Variants in PCDHGA7 observed in about 807,000 individuals in gnomAD.
PCDHGA7 encodes protocadherin gamma subfamily A, 7.
PCDHGA7 carries 44 observed loss-of-function variants against 58.3 expected under a neutral mutation model. The ratio of observed to expected loss-of-function variants is 0.75; its 90% CI spans 0.59 to 0.97. PCDHGA7 has a LOEUF of 0.97. Ranked by LOEUF, PCDHGA7 falls within the 50% of genes least tolerant of loss-of-function variation. PCDHGA7 has a pLI of 0.00. For synonymous variants in PCDHGA7, 516 were observed against 504.2 expected (o/e 1.02, Z -0.31); for missense variants, 1,266 against 1,188.7 (o/e 1.06, Z -0.96).
chr5:141,481,868 C>A (rs983373194), intron 1 of PCDHGA7, among the ~76,000 whole-genome samples: 4 of 147,412 alleles, frequency 2.7e-5, no homozygotes, highest in African/African-American at 1.0e-4. Flanking sequence ...GAGCCGAGAT[C>A]GCGCCACTGC....
At chr5:141,503,099 C>T (rs1286557930) in intron 2 of PCDHGA7, among the ~76,000 whole-genome samples, 1 of 151,884 alleles carries the variant, frequency 6.6e-6, no homozygotes, top group Non-Finnish European at 1.5e-5. Context: ...GTGGTCTGCC[C>T]GCCCCTGCCT....
At chr5:141,419,146 G>A in intron 1 of PCDHGA7, 1 of 1,613,922 alleles carries the variant, frequency 6.2e-7, no homozygotes, top group Non-Finnish European at 8.5e-7. Context: ...ACAGGGGCAA[G>A]CCTCCGTTAT....
At chr5:141,434,830 C>A (rs7703679) in intron 1 of PCDHGA7, among the ~76,000 whole-genome samples, 45,467 of 151,546 alleles carry the variant, frequency 0.3, 8,050 homozygotes, top group African/African-American at 0.5. Flanking sequence ...GTACACTTGG[C>A]ATTTATAAAG....
chr5:141,494,251 G>C (rs961451413), intron 1 of PCDHGA7, among the ~76,000 whole-genome samples: 2 of 152,214 alleles, frequency 1.3e-5, no homozygotes, highest in African/African-American at 4.8e-5. Context: ...TTAGCTGTGG[G>C]AAGAGATTCT....
intron 1 of PCDHGA7, chr5:141,419,364 C>T (rs1360235541): frequency 1.1e-5 from 18 of 1,613,690 alleles, no homozygotes; most frequent in Non-Finnish European, 1.3e-5. Flanking sequence ...CGAACGCTGT[C>T]GTCCTACGTG....
chr5:141,450,179 A>G (rs1472867634), intron 1 of PCDHGA7, among the ~76,000 whole-genome samples: 1 of 151,100 alleles, frequency 6.6e-6, no homozygotes, highest in African/African-American at 2.4e-5. Flanking sequence ...CACCACACCC[A>G]GCTAATTTTT....
chr5:141,384,889 G>GTGGC lies in PCDHGA7; in HGVS notation c.1993_1996dup (p.Asp666GlyfsTer2). ...AGCCACCGTCACACTCACCGTGGCT[G>GTGGC]TGGCTGACAGCATCCCCGAAGTCTT... On this transcript the variant is annotated frameshift_variant, in exon 1 of 4. Coordinates refer to ENST00000518325, the MANE Select transcript of PCDHGA7 (RefSeq NM_018920.4). LOFTEE classifies it high-confidence loss of function. The GTGGC allele has an allele frequency of 6.2e-7, 1 of 1,613,882 alleles. No individual in the cohort carries two copies. The highest frequency in any genetic ancestry group is 8.5e-7 in the Non-Finnish European group (1 of 1,180,000).
intron 2 of PCDHGA7, among the ~76,000 whole-genome samples, chr5:141,497,541 T>A (rs1157403777): frequency 1.1e-5 from 1 of 89,566 alleles, no homozygotes; most frequent in Admixed American, 1.2e-4. Context: ...GCAACAAACC[T>A]TTTTTTTTTT....
intron 1 of PCDHGA7, chr5:141,387,659 G>A: frequency 1.5e-6 from 1 of 650,434 alleles, no homozygotes; most frequent in Non-Finnish European, 2.6e-6. Context: ...GGAGAGCTTG[G>A]CGCTCCAGAT....
chr5:141,388,778 A>G, intron 1 of PCDHGA7: 1 of 1,613,944 alleles, frequency 6.2e-7, no homozygotes, highest in Non-Finnish European at 8.5e-7. Flanking sequence ...ACACCGGGGA[A>G]ATTACTGTTT....
At chr5:141,395,138 C>A (rs147992300) in intron 1 of PCDHGA7, 1 of 1,614,204 alleles carries the variant, frequency 6.2e-7, no homozygotes, top group African/African-American at 1.3e-5. Flanking sequence ...AGCCCAACTA[C>A]GCAGACATGC....
intron 1 of PCDHGA7, among the ~76,000 whole-genome samples, chr5:141,469,315 G>A (rs1160946697): frequency 6.6e-6 from 1 of 151,866 alleles, no homozygotes; most frequent in African/African-American, 2.4e-5. Flanking sequence ...GATGGCTCAC[G>A]CCTGTAATCC....
chr5:141,458,990 C>T (rs2098958778), intron 1 of PCDHGA7, among the ~76,000 whole-genome samples: 1 of 152,212 alleles, frequency 6.6e-6, no homozygotes, highest in Non-Finnish European at 1.5e-5. Context: ...GCCTCACCCT[C>T]CCAAAGTGCT....
intron 1 of PCDHGA7, chr5:141,404,489 G>C: frequency 6.2e-7 from 1 of 1,613,796 alleles, no homozygotes; most frequent in Non-Finnish European, 8.5e-7. Flanking sequence ...AGACACTGGT[G>C]TGCTGTATGC....
intron 1 of PCDHGA7, chr5:141,405,556 C>T: frequency 1.6e-6 from 1 of 619,826 alleles, no homozygotes; most frequent in East Asian, 2.7e-5. Context: ...AGTAGAGTAG[C>T]TGGGACTAGA....
At position 141,404,344 on chromosome 5, in the gene PCDHGA7, C is replaced by T. The variant is rs755599341; in HGVS notation, c.2424+19021C>T. 1.1e-5 allele frequency: 18 copies of T among 1,613,954 alleles called. No homozygotes were observed. In the East Asian group the frequency reaches 3.8e-4, roughly 34 times the overall value. ...CCTACTCAGTCTACCTCCCGGAAAA[C>T]AACGCCAGAGGTACTTCCATCTTCT... On this transcript the variant is annotated intron_variant, in intron 1 of 3. Coordinates refer to ENST00000518325, the MANE Select transcript of PCDHGA7 (RefSeq NM_018920.4).
chr5:141,446,775 T>C (rs1175892018), intron 1 of PCDHGA7, among the ~76,000 whole-genome samples: 2 of 152,188 alleles, frequency 1.3e-5, no homozygotes, highest in Admixed American at 6.5e-5. Context: ...CCGGTTACCA[T>C]TCTTTTACTC....
At chr5:141,452,858 T>C (rs904455495) in intron 1 of PCDHGA7, among the ~76,000 whole-genome samples, 1 of 152,202 alleles carries the variant, frequency 6.6e-6, no homozygotes. Flanking sequence ...GGGGAGATGA[T>C]TTTCTAACTC....
Position 141,489,091 on chromosome 5 carries a change from T to A in PCDHGA7, c.2425-5716T>A. 1.9e-4 allele frequency: 63 copies of A among 332,802 alleles called. No individual in the cohort carries two copies. Among genetic ancestry groups the A allele is most frequent in the East Asian group, 2.9e-4 (6 of 20,542 alleles). The allele number at this position is 332,802 out of a possible 1,614,324, so 20.6% of individuals were successfully genotyped here. A position where few individuals can be genotyped will look rare whatever the true frequency, so the allele number is the denominator to read the frequency against. ...CTGCCCACCCCCGCCACTCGGTGAC[T>A]AAGAACTGCTGCAAGCAGGCAAACC... On this transcript the variant is annotated intron_variant, in intron 1 of 3. Transcript: ENST00000518325. This position sits in a 1 kb window ranked among gnomAD's most constrained non-coding sequence, Gnocchi z 4.5.
Sources: gnomAD v4.1 joint callset for allele counts (sites outside exome capture counted in the v4.1 genomes callset) on GRCh38, gnomAD v4.1.1 for gene constraint, Gnocchi (gnomAD v3.1) non-coding constraint, MANE v1.5 for transcripts, NCBI Gene and HGNC (gene_info 2026-07-23, HGNC 2026-07-21) for gene names.